ARFGEF3: variants seen among roughly 807,000 people sequenced by gnomAD.
ARFGEF3 encodes brefeldin A-inhibited guanine nucleotide-exchange protein 3.
In ARFGEF3, 96 loss-of-function variants were observed where a neutral mutation model predicts 221.7. The ratio of observed to expected loss-of-function variants is 0.43; its 90% CI spans 0.37 to 0.51. ARFGEF3 has a LOEUF of 0.51. Ranked by LOEUF, ARFGEF3 falls within the 20% of genes least tolerant of loss-of-function variation. ARFGEF3 has a pLI of 0.00. For missense variants in ARFGEF3, 2,410 were observed against 2,789.9 expected, an observed-to-expected ratio of 0.86 and a Z score of 3.07; for synonymous variants, 1,145 against 1,126.8, an observed-to-expected ratio of 1.02 and a Z score of -0.32.
In ARFGEF3 at chr6:138,255,777, G is replaced by GACCCC; in HGVS notation, c.1104+8_1104+9insACCCC. ...ATCAAAATAATGAAAGAGGTGAGGA[G>GACCCC]GCACTGGAGATCGCCACCAGGTTTA... On this transcript the variant is annotated intron_variant, in intron 10 of 33. Coordinates refer to ENST00000251691, the MANE Select transcript of ARFGEF3 (RefSeq NM_020340.5). The GACCCC allele has an allele frequency of 6.6e-7, 1 of 1,517,418 alleles. No homozygotes were observed. Among genetic ancestry groups the GACCCC allele is most frequent in the Non-Finnish European group, 8.9e-7 (1 of 1,125,158 alleles). The allele number at this position is 1,517,418 out of a possible 1,614,324, so 94.0% of individuals were successfully genotyped here.
chr6:138,307,484 G>A, intron 23 of ARFGEF3, 87 bp downstream of exon 23: 1 of 1,208,672 alleles, frequency 8.3e-7, no homozygotes, highest in South Asian at 1.4e-5. Context: ...TTGAACAATA[G>A]GGAAGACAGA....
chr6:138,281,111 A>T (rs1168381805), intron 14 of ARFGEF3, among the ~76,000 whole-genome samples: 2 of 152,210 alleles, frequency 1.3e-5, no homozygotes, highest in Non-Finnish European at 2.9e-5. Context: ...GGAGGATTTC[A>T]TCATTGTTTT....
At chr6:138,298,972 G>C (rs1779576482) in intron 22 of ARFGEF3, among the ~76,000 whole-genome samples, 187 bp downstream of exon 22, 1 of 152,122 alleles carries the variant, frequency 6.6e-6, no homozygotes, top group Non-Finnish European at 1.5e-5. Flanking sequence ...GGCCAAGGTG[G>C]GCGGATCACG....
intron 2 of ARFGEF3, among the ~76,000 whole-genome samples, chr6:138,179,984 A>T (rs28624203): frequency 2.8e-4 from 42 of 152,166 alleles, no homozygotes; most frequent in African/African-American, 7.5e-4. Flanking sequence ...TAATTTTTTT[A>T]AAATTTTTTG....
chr6:138,287,982 C>G (rs1350913941), intron 17 of ARFGEF3, among the ~76,000 whole-genome samples: 1 of 152,030 alleles, frequency 6.6e-6, no homozygotes, highest in Non-Finnish European at 1.5e-5. Context: ...CACAATTTTA[C>G]TTAAGTATTT....
rs1051311007 is a variant in ARFGEF3, at chr6:138,195,004, T to C, written c.138-12038T>C. 1.4e-3 allele frequency among the ~76,000 whole-genome samples: 190 copies of C among 132,238 alleles called. 7 individuals carry two copies. Among genetic ancestry groups the C allele is most frequent in the Non-Finnish European group, 2.9e-4 (18 of 62,126 alleles). 86.8% of individuals were successfully genotyped at this position (132,238 alleles called of 152,430 possible). On this transcript the variant is annotated intron_variant, in intron 2 of 33. Coordinates refer to ENST00000251691, the MANE Select transcript of ARFGEF3 (RefSeq NM_020340.5). Reference sequence around the variant, plus strand: ...CTTTTCCCTAATTTTTTTTTTTTTTTTTTTTTTTTTTTTTTTGAGATGGAG... The same window carrying C: ...CTTTTCCCTAATTTTTTTTTTTTTTCTTTTTTTTTTTTTTTTGAGATGGAG...
At chr6:138,271,214 C>A (rs963246750) in intron 12 of ARFGEF3, among the ~76,000 whole-genome samples, 1 of 152,134 alleles carries the variant, frequency 6.6e-6, no homozygotes, top group East Asian at 1.9e-4. Flanking sequence ...AATATAAAAA[C>A]CACACAAGAT....
At chr6:138,324,365 G>A (rs147184975) in intron 31 of ARFGEF3, among the ~76,000 whole-genome samples, 1 of 152,270 alleles carries the variant, frequency 6.6e-6, no homozygotes, top group African/African-American at 2.4e-5. Flanking sequence ...CTCATTTGTT[G>A]CATCCTCCAG....
intron 4 of ARFGEF3, among the ~76,000 whole-genome samples, chr6:138,213,947 T>A (rs1452697988): frequency 2.0e-5 from 3 of 152,218 alleles, no homozygotes; most frequent in East Asian, 3.8e-4. Context: ...GAGGGCTCCA[T>A]AATCATTTGC....
In ARFGEF3 at chr6:138,336,741, T is replaced by C. The variant is rs1780333072; in HGVS notation, c.*255T>C. 3.4e-6 allele frequency: 1 copy of C among 290,302 alleles called. No homozygotes were observed. Among genetic ancestry groups the C allele is most frequent in the Non-Finnish European group, 6.3e-6 (1 of 158,596 alleles). The allele number at this position is 290,302 out of a possible 1,614,324, so 18.0% of individuals were successfully genotyped here. On this transcript the variant is annotated 3_prime_UTR_variant, in exon 34 of 34. Coordinates refer to ENST00000251691, the MANE Select transcript of ARFGEF3 (RefSeq NM_020340.5). ...AGAAGAATCTATAATCCTTGATATG[T>C]TTCTAACTCTTGAAGTATATTTCCC...
At chr6:138,168,354 C>T (rs189288372) in intron 1 of ARFGEF3, among the ~76,000 whole-genome samples, 7 of 152,252 alleles carry the variant, frequency 4.6e-5, no homozygotes, top group Non-Finnish European at 7.4e-5. Context: ...AAGGGAGGCT[C>T]CTAGTTGGGA....
intron 8 of ARFGEF3, among the ~76,000 whole-genome samples, chr6:138,252,362 G>T (rs572640525): frequency 6.6e-6 from 1 of 152,184 alleles, no homozygotes; most frequent in African/African-American, 2.4e-5. Context: ...TTTGACAAAG[G>T]GCTTTAGAGC....
At chr6:138,329,535 G>A (rs1395296214) in intron 32 of ARFGEF3, among the ~76,000 whole-genome samples, 1 of 152,090 alleles carries the variant, frequency 6.6e-6, no homozygotes, top group East Asian at 1.9e-4. Context: ...ATGATGGCAT[G>A]CACCTGTAGT....
chr6:138,329,696 T>C lies in ARFGEF3; in HGVS notation c.5123+1554T>C, dbSNP rs114600339. On this transcript the variant is annotated intron_variant, in intron 32 of 33. Coordinates refer to ENST00000251691, the MANE Select transcript of ARFGEF3 (RefSeq NM_020340.5). ...AAACAAACAAAAAAACAAACTGGGTTTGGTTGAACATAAGGCCTCTGCCCT... is the reference window on the plus strand; with the variant it reads ...AAACAAACAAAAAAACAAACTGGGTCTGGTTGAACATAAGGCCTCTGCCCT... Among the ~76,000 whole-genome samples, 1,482 of 152,230 alleles carry C rather than the reference T, an allele frequency of 9.7e-3. 28 individuals are homozygous for C. The highest frequency in any genetic ancestry group is 0.033 in the African/African-American group (1,383 of 41,526).
At chr6:138,326,533 A>G (rs892956794) in intron 31 of ARFGEF3, among the ~76,000 whole-genome samples, 5 of 152,244 alleles carry the variant, frequency 3.3e-5, no homozygotes, top group African/African-American at 7.2e-5. Context: ...ACATCACTGC[A>G]TTAGAGAAAT....
At position 138,218,190 on chromosome 6, in the gene ARFGEF3, A is replaced by G. The variant is rs9494968; in HGVS notation, c.351+8149A>G. ...GTGTGACTGTTCTATGGAATAATCA[A>G]TGAACTCTGTTGCCTTTTGACTTCT... On this transcript the variant is annotated intron_variant, in intron 4 of 33. Coordinates refer to ENST00000251691, the MANE Select transcript of ARFGEF3 (RefSeq NM_020340.5). The G allele has an allele frequency of 7.5e-3, 12,177 of 1,613,928 alleles. 733 individuals carry two copies. The African/African-American group carries it at 0.14, about 18-fold the overall frequency.
chr6:138,286,988 C>G (rs1441938862), intron 16 of ARFGEF3, 72 bp downstream of exon 16: 4 of 1,579,684 alleles, frequency 2.5e-6, no homozygotes, highest in Non-Finnish European at 3.4e-6. Flanking sequence ...CAGGGTGGGG[C>G]AGGGGGACCC....
intron 27 of ARFGEF3, 22 bp from the exon 28 acceptor site, chr6:138,319,681 T>C (rs1173625889): frequency 5.1e-6 from 8 of 1,570,956 alleles, no homozygotes; most frequent in Non-Finnish European, 6.9e-6. Context: ...AGGTTGTTGC[T>C]ACGCTGACTT....
At chr6:138,164,170 C>G (rs1257714867) in intron 1 of ARFGEF3, among the ~76,000 whole-genome samples, 1 of 152,178 alleles carries the variant, frequency 6.6e-6, no homozygotes, top group Non-Finnish European at 1.5e-5. Flanking sequence ...CCACTCCAGT[C>G]CATTTCCACT....
Sources: allele counts gnomAD v4.1 joint callset (sites outside exome capture counted in the v4.1 genomes callset), GRCh38; gene constraint gnomAD v4.1.1; transcripts MANE v1.5; gene names NCBI Gene and HGNC (gene_info 2026-07-23, HGNC 2026-07-21).